The following RESF1 variants were observed in gnomAD, a reference collection of about 807,000 sequenced individuals.
RESF1 encodes retroelement silencing factor 1.
A neutral mutation model predicts 134.7 loss-of-function variants in RESF1; 65 were observed. The ratio of observed to expected loss-of-function variants is 0.48; its 90% CI spans 0.40 to 0.59. The LOEUF (loss-of-function observed/expected upper bound fraction) is 0.59, where lower values mean the gene tolerates loss of function less well. Among genes scored for constraint, RESF1 ranks in the 20% least tolerant of loss-of-function variants. The pLI is 0.00. For synonymous variants in RESF1, 762 were observed against 702.2 expected (o/e 1.09, Z -1.35); for missense variants, 2,274 against 2,002.7 (o/e 1.14, Z -2.59).
chr12:31,984,728 A>G lies in RESF1; in HGVS notation c.3773A>G (p.Asp1258Gly). The G allele has an allele frequency of 6.2e-7, 1 of 1,608,208 alleles. No homozygotes were observed. Among genetic ancestry groups the G allele is most frequent in the Non-Finnish European group, 8.5e-7 (1 of 1,178,768 alleles). ...GAACTACAAGACGACAGTAGAAAAG[A>G]TACACCCAAAACAAAACATAAAAGC... is the stretch of plus-strand genomic sequence containing the variant. The part of the protein sequence containing the change: ...FPELQDDSRK[D>G]TPKTKHKSLP... The change falls in exon 4 of 6, where the codon GAT becomes GGT. Residue 1258 changes from aspartate to glycine, a missense_variant. Coordinates refer to ENST00000312561, the MANE Select transcript of RESF1 (RefSeq NM_018169.4).
At chr12:31,992,149 A>T (rs777531022) in intron 5 of RESF1, among the ~76,000 whole-genome samples, 55 of 152,190 alleles carry the variant, frequency 3.6e-4, no homozygotes, top group Non-Finnish European at 6.8e-4. Flanking sequence ...GGCAATGAGG[A>T]TGGGGCAAGG....
intron 2 of RESF1, among the ~76,000 whole-genome samples, chr12:31,964,528 A>T (rs1939355351): frequency 6.6e-6 from 1 of 152,092 alleles, no homozygotes; most frequent in Admixed American, 6.5e-5. Flanking sequence ...TATGCGGTTT[A>T]CCGTTGATGG....
At position 31,992,916 on chromosome 12, in the gene RESF1, A is replaced by G. The variant is rs1592269908; in HGVS notation, c.*381A>G. 5.6e-6 allele frequency: 1 copy of G among 178,646 alleles called. No homozygotes were observed. The highest frequency in any genetic ancestry group is 1.7e-4 in the East Asian group (1 of 5,836). 11.1% of individuals were successfully genotyped at this position (178,646 alleles called of 1,614,324 possible). The stretch of plus-strand genomic sequence containing the variant: ...TATGTTTTGGTTTCTAAGCTATATT[A>G]GCAAAATTTATTTTTCAAAAATGCC... On this transcript the variant is annotated 3_prime_UTR_variant, in exon 6 of 6. Coordinates refer to ENST00000312561, the MANE Select transcript of RESF1 (RefSeq NM_018169.4).
chr12:31,983,892 A>G lies in RESF1; in HGVS notation c.2937A>G (p.Leu979=). The G allele has an allele frequency of 6.2e-7, 1 of 1,613,912 alleles. No individual in the cohort carries two copies. Among genetic ancestry groups the G allele is most frequent in the Non-Finnish European group, 8.5e-7 (1 of 1,180,018 alleles). The change falls in exon 4 of 6, where the codon TTA becomes TTG. Residue 979 remains leucine (L), a synonymous_variant. Coordinates refer to ENST00000312561, the MANE Select transcript of RESF1 (RefSeq NM_018169.4). Reference sequence around the variant, plus strand: ...ATCAGTCAAAGTCAGAGCCACCCTTAGAGTCATCTTTTAACAATCTTGAAA... The same window carrying G: ...ATCAGTCAAAGTCAGAGCCACCCTTGGAGTCATCTTTTAACAATCTTGAAA... ...ICDQSKSEPP[L]ESSFNNLETN...
intron 3 of RESF1, among the ~76,000 whole-genome samples, chr12:31,971,783 G>A (rs1258594745): frequency 1.3e-5 from 2 of 152,162 alleles, no homozygotes; most frequent in Admixed American, 1.3e-4. Flanking sequence ...AAAGGGTTGG[G>A]ACTTTTCAGC....
At chr12:31,962,241 A>G (rs1302319132) in intron 2 of RESF1, among the ~76,000 whole-genome samples, 1 of 147,348 alleles carries the variant, frequency 6.8e-6, no homozygotes, top group Non-Finnish European at 1.5e-5. Context: ...AAAAAAAAGC[A>G]TTTGTGAAGG....
chr12:31,980,592 G>C (rs16919113), intron 3 of RESF1, among the ~76,000 whole-genome samples: 44,464 of 152,006 alleles, frequency 0.29, 6,969 homozygotes, highest in East Asian at 0.42. Context: ...GGATTACTTA[G>C]AAGAAAGTCT....
chr12:31,985,451 G>A lies in RESF1; in HGVS notation c.4496G>A (p.Ser1499Asn). 6.2e-7 allele frequency: 1 copy of A among 1,607,340 alleles called. No homozygotes were observed. The highest frequency in any genetic ancestry group is 8.5e-7 in the Non-Finnish European group (1 of 1,178,312). ...ESCGKSNEKH[S>N]SGVQTSKESL... The stretch of plus-strand genomic sequence containing the variant: ...TGTGGGAAATCAAATGAGAAACACA[G>A]CAGCGGCGTGCAGACCTCTAAAGAA... Residue 1499 changes from serine to asparagine, a missense_variant, in exon 4 of 6, where the codon AGC becomes AAC. Physicochemically the swap from Ser to Asn is conservative, Grantham distance 46. Coordinates refer to ENST00000312561, the MANE Select transcript of RESF1 (RefSeq NM_018169.4).
chr12:31,982,826 G>A lies in RESF1; in HGVS notation c.1871G>A (p.Gly624Asp). 1.2e-6 allele frequency: 2 copies of A among 1,614,100 alleles called. No homozygotes were observed. The highest frequency in any genetic ancestry group is 1.7e-6 in the Non-Finnish European group (2 of 1,180,004). The change falls in exon 4 of 6, where the codon GGT (glycine) becomes GAT (aspartate). Residue 624 changes from glycine (G) to aspartate (D), a missense_variant. Coordinates refer to ENST00000312561, the MANE Select transcript of RESF1 (RefSeq NM_018169.4). ...CEMNPNTQMT[G>D]NQLNLKNMET... ...ATGAATCCAAATACCCAAATGACTG[G>A]TAACCAACTGAATTTGAAGAACATG...
At chr12:31,992,242 G>C in intron 5 of RESF1, 136 bp from the exon 6 acceptor site, 1 of 727,184 alleles carries the variant, frequency 1.4e-6, no homozygotes, top group Non-Finnish European at 2.4e-6. Context: ...GAAGAGCTAT[G>C]GTTCTGAAAC....
Position 31,984,923 on chromosome 12 carries a change from A to G in RESF1, c.3968A>G (p.Gln1323Arg). The G allele has an allele frequency of 1.9e-6, 3 of 1,612,746 alleles. No homozygotes were observed. Among genetic ancestry groups the G allele is most frequent in the Non-Finnish European group, 2.5e-6 (3 of 1,179,716 alleles). ...GAACAAGCTTCTCAGGAAACCCGAC[A>G]GAAGAAACATGTAACACAGAACTCA... ...SYEQASQETR[Q>R]KKHVTQNSRP... Residue 1323 changes from glutamine (Q) to arginine (R), a missense_variant, in exon 4 of 6, where the codon CAG (glutamine) becomes CGG (arginine). By Grantham distance (43) the Gln-to-Arg change is conservative (BLOSUM62 1). Coordinates refer to ENST00000312561, the MANE Select transcript of RESF1 (RefSeq NM_018169.4).
intron 4 of RESF1, 68 bp downstream of exon 4, chr12:31,986,025 C>A: frequency 9.5e-7 from 1 of 1,048,012 alleles, no homozygotes; most frequent in Non-Finnish European, 1.3e-6. Flanking sequence ...TTTGGGCTAG[C>A]ACCTCTCATG....
chr12:31,976,261 TA>T lies in RESF1; in HGVS notation c.-78-4609del, dbSNP rs761498771. 2.6e-5 allele frequency among the ~76,000 whole-genome samples: 4 copies of T among 152,176 alleles called. No homozygotes were observed. In the South Asian group the frequency reaches 8.3e-4, roughly 32 times the overall value. ...ATTAGGATAACTGACTCTTGTGCAG[TA>T]AAAAAAATCCACATTTAACTTTTGA... On this transcript the variant is annotated intron_variant, in intron 3 of 5. Coordinates refer to ENST00000312561, the MANE Select transcript of RESF1 (RefSeq NM_018169.4).
chr12:31,962,344 A>G (rs1939292273), intron 2 of RESF1: 1 of 152,276 alleles, frequency 6.6e-6, no homozygotes, highest in Admixed American at 6.5e-5. Flanking sequence ...TCATTTTGAG[A>G]TAAGTCCAGG....
intron 3 of RESF1, among the ~76,000 whole-genome samples, chr12:31,978,346 A>G (rs1565842097): frequency 6.6e-6 from 1 of 152,036 alleles, no homozygotes; most frequent in Non-Finnish European, 1.5e-5. Context: ...ATAACATCTG[A>G]TACTCAGTTT....
rs894875253 is a variant in RESF1 at position 31,965,920 on chromosome 12, C to T, written c.-246-4269C>T. Reference sequence around the variant, plus strand: ...AAAAAAAAAAAAAGAAGTGATACTTCGAATACAGTTTTTACCTCAACACAG... The same window carrying T: ...AAAAAAAAAAAAAGAAGTGATACTTTGAATACAGTTTTTACCTCAACACAG... On this transcript the variant is annotated intron_variant, in intron 2 of 5. Coordinates refer to ENST00000312561, the MANE Select transcript of RESF1 (RefSeq NM_018169.4). Among the ~76,000 whole-genome samples, 5 of 150,048 alleles carry T rather than the reference C, an allele frequency of 3.3e-5. No individual in the cohort carries two copies. In the South Asian group the frequency reaches 6.3e-4, roughly 19 times the overall value.
intron 3 of RESF1, among the ~76,000 whole-genome samples, chr12:31,978,552 T>C (rs1939691273): frequency 6.6e-6 from 1 of 151,964 alleles, no homozygotes; most frequent in African/African-American, 2.4e-5. Context: ...TTTTGTTTTT[T>C]GTTTTTTGTT....
chr12:31,960,043 T>C (rs776030834), intron 1 of RESF1: 2 of 152,054 alleles, frequency 1.3e-5, no homozygotes, highest in Non-Finnish European at 2.9e-5. Flanking sequence ...ACAGAATTGC[T>C]GTACTGGCAT....
Position 31,960,796 on chromosome 12 carries a change from G to A in RESF1, c.-322G>A, listed in dbSNP as rs1035787670. The A allele has an allele frequency of 6.6e-6, 1 of 152,210 alleles. No individual in the cohort carries two copies. The highest frequency in any genetic ancestry group is 2.4e-5 in the African/African-American group (1 of 41,446). The allele number at this position is 152,210 out of a possible 1,614,324, so 9.4% of individuals were successfully genotyped here. A position where few individuals can be genotyped will look rare whatever the true frequency, so the allele number is the denominator to read the frequency against. On this transcript the variant is annotated 5_prime_UTR_variant, in exon 2 of 6. It adds an upstream start codon to the 5' untranslated region. Transcript: ENST00000312561. The stretch of plus-strand genomic sequence containing the variant: ...CCCTAGGACCAAAGAAGTAAACACT[G>A]TGTGGAGAGGGACTGACGTGTTTGG...
Sources: gnomAD v4.1 joint callset for allele counts (sites outside exome capture counted in the v4.1 genomes callset) on GRCh38, gnomAD v4.1.1 for gene constraint, MANE v1.5 for transcripts, NCBI Gene and HGNC (gene_info 2026-07-23, HGNC 2026-07-21) for gene names.